The following UBE3D variants were observed in gnomAD, a reference collection of about 807,000 sequenced individuals.
The protein encoded by UBE3D is ubiquitin protein ligase E3D, also known as E3 ubiquitin-protein ligase E3D.
In UBE3D, 48 loss-of-function variants were observed where a neutral mutation model predicts 49.6. The observed-to-expected ratio is 0.97, with a 90% CI of 0.77 to 1.23. UBE3D has a LOEUF of 1.23. Among genes scored for constraint, UBE3D ranks in the 50% most tolerant of loss-of-function variants. UBE3D has a pLI of 0.00. For missense variants in UBE3D, 452 were observed against 468.4 expected, an observed-to-expected ratio of 0.96 and a Z score of 0.32; for synonymous variants, 189 against 174.2, an observed-to-expected ratio of 1.08 and a Z score of -0.67.
intron 9 of UBE3D, among the ~76,000 whole-genome samples, chr6:82,893,580 A>G (rs899620935): frequency 6.6e-6 from 1 of 152,226 alleles, no homozygotes; most frequent in African/African-American, 2.4e-5. Flanking sequence ...GATCAAATGC[A>G]TCTAATTTCC....
chr6:82,920,872 G>T (rs293498), intron 9 of UBE3D, among the ~76,000 whole-genome samples: 126,300 of 151,708 alleles, frequency 0.83, 52,911 homozygotes, highest in East Asian at 0.94. Context: ...AAGATTTAAC[G>T]CCCATTTTTT....
intron 9 of UBE3D, among the ~76,000 whole-genome samples, chr6:82,946,716 TA>T (rs1237712998): frequency 1.3e-5 from 2 of 151,922 alleles, no homozygotes; most frequent in African/African-American, 4.8e-5. Context: ...CATAGTACAA[TA>T]AGATATAAAC....
chr6:83,061,164 A>G (rs370193269), intron 1 of UBE3D, among the ~76,000 whole-genome samples: 6 of 152,344 alleles, frequency 3.9e-5, no homozygotes, highest in African/African-American at 1.4e-4. Flanking sequence ...TTGAAGAAAC[A>G]TAAGACAAAT....
At chr6:82,987,455 C>G (rs559995900) in intron 8 of UBE3D, among the ~76,000 whole-genome samples, 24 of 152,302 alleles carry the variant, frequency 1.6e-4, no homozygotes, top group Admixed American at 9.2e-4. Flanking sequence ...TAATTGCTTT[C>G]TATTTCCATT....
chr6:82,907,708 G>A (rs1383539117), intron 9 of UBE3D, among the ~76,000 whole-genome samples: 2 of 152,186 alleles, frequency 1.3e-5, no homozygotes, highest in Non-Finnish European at 2.9e-5. Context: ...ATGAAGACAC[G>A]GAACAGCCGG....
chr6:82,948,876 C>T (rs1177635604), intron 9 of UBE3D, among the ~76,000 whole-genome samples: 2 of 151,184 alleles, frequency 1.3e-5, no homozygotes, highest in Admixed American at 1.3e-4. Flanking sequence ...TACCTCAACA[C>T]AAAAAAAAGC....
intron 9 of UBE3D, among the ~76,000 whole-genome samples, chr6:82,945,671 A>T (rs547136191): frequency 6.6e-6 from 1 of 152,336 alleles, no homozygotes; most frequent in South Asian, 2.1e-4. Flanking sequence ...TAAATGAGGC[A>T]CCAGGGATCA....
intron 8 of UBE3D, among the ~76,000 whole-genome samples, chr6:83,000,895 A>G (rs1779585445): frequency 6.6e-6 from 1 of 151,632 alleles, no homozygotes. Context: ...CCCAGACTGA[A>G]GTGCAATGGG....
At chr6:83,051,387 G>C (rs1346023641) in intron 3 of UBE3D, among the ~76,000 whole-genome samples, 6 of 152,132 alleles carry the variant, frequency 3.9e-5, no homozygotes, top group Admixed American at 1.3e-4. Context: ...AGAAGATACA[G>C]TTCCTGAACA....
chr6:83,040,541 C>A (rs1018285674), intron 4 of UBE3D, among the ~76,000 whole-genome samples: 7 of 152,160 alleles, frequency 4.6e-5, no homozygotes, highest in African/African-American at 1.7e-4. Flanking sequence ...ATGCCTACAG[C>A]TCTTCTATTT....
chr6:83,044,111 T>C (rs916367486), intron 4 of UBE3D, among the ~76,000 whole-genome samples: 2 of 152,226 alleles, frequency 1.3e-5, no homozygotes, highest in Non-Finnish European at 1.5e-5. Flanking sequence ...CTATTTAGGA[T>C]AAAATGCACA....
At chr6:82,934,470 T>A (rs897701094) in intron 9 of UBE3D, among the ~76,000 whole-genome samples, 4 of 152,178 alleles carry the variant, frequency 2.6e-5, no homozygotes, top group Non-Finnish European at 5.9e-5. Context: ...TGACAAATGC[T>A]GCAAGTTACG....
chr6:82,892,082 G>A (rs1770993692), downstream of UBE3D, among the ~76,000 whole-genome samples: 1 of 152,162 alleles, frequency 6.6e-6, no homozygotes, highest in Non-Finnish European at 1.5e-5. Context: ...GATATATCAG[G>A]TGGTCTGTGG....
chr6:82,947,248 TATA>T (rs1358515537), intron 9 of UBE3D, among the ~76,000 whole-genome samples: 2 of 151,982 alleles, frequency 1.3e-5, no homozygotes, highest in African/African-American at 2.4e-5. Flanking sequence ...AGCAAAATGA[TATA>T]ATGATTGTAA....
rs141564543 is a variant in UBE3D, at chr6:82,931,851, G to A, written c.1149+25461C>T. ...GAGTACATGAGATCTGGGAGGGGCC[G>A]GGGTGAAAAGATATAGTCTGGCTGT... On this transcript the variant is annotated intron_variant, in intron 9 of 9. Transcript: ENST00000369747. Among the ~76,000 whole-genome samples the A allele has an allele frequency of 9.2e-5, 14 of 152,198 alleles. No individual in the cohort carries two copies. The South Asian group carries it at 1.5e-3, about 16-fold the overall frequency.
intron 9 of UBE3D, among the ~76,000 whole-genome samples, chr6:82,897,281 G>A (rs1771397937): frequency 6.6e-6 from 1 of 152,070 alleles, no homozygotes; most frequent in South Asian, 2.1e-4. Flanking sequence ...GAAAGTTTAT[G>A]CCCTTATATT....
At chr6:83,009,216 A>AGGGTAAC (rs1582626310) in intron 8 of UBE3D, among the ~76,000 whole-genome samples, 1 of 152,186 alleles carries the variant, frequency 6.6e-6, no homozygotes. Flanking sequence ...AAACTGGTAC[A>AGGGTAAC]TCCATGCTAG....
intron 9 of UBE3D, among the ~76,000 whole-genome samples, chr6:82,897,904 ATGGGAGAAAATTTT>A (rs1173503658): frequency 1.3e-5 from 2 of 152,160 alleles, no homozygotes; most frequent in Non-Finnish European, 2.9e-5. Flanking sequence ...ATCCTATAGA[ATGGGAGAAAATTTT>A]TGCAATCTAT....
At chr6:83,062,203 T>G (rs1784219294) in intron 1 of UBE3D, among the ~76,000 whole-genome samples, 1 of 152,212 alleles carries the variant, frequency 6.6e-6, no homozygotes, top group Non-Finnish European at 1.5e-5. Context: ...GCACTTAGAA[T>G]TTGAATTTTT....
Sources: gnomAD v4.1 joint callset for allele counts (sites outside exome capture counted in the v4.1 genomes callset) on GRCh38, gnomAD v4.1.1 for gene constraint, MANE v1.5 for transcripts, NCBI Gene and HGNC (gene_info 2026-07-23, HGNC 2026-07-21) for gene names.